Variants in TSHR observed in about 807,000 individuals in gnomAD.
The protein encoded by TSHR is thyrotropin receptor.
In TSHR, 51 loss-of-function variants were observed where a neutral mutation model predicts 64.1. The ratio of observed to expected loss-of-function variants is 0.80; its 90% CI spans 0.64 to 1.01. The LOEUF (loss-of-function observed/expected upper bound fraction) is 1.01, where lower values mean the gene tolerates loss of function less well. Among genes scored for constraint, TSHR ranks in the 50% least tolerant of loss-of-function variants. TSHR has a pLI of 0.00. For missense variants in TSHR, 877 were observed against 942.8 expected, an observed-to-expected ratio of 0.93 and a Z score of 0.91; for synonymous variants, 361 against 361.9, an observed-to-expected ratio of 1.00 and a Z score of 0.03.
At chr14:80,956,712 G>T (rs571161729) in intron 1 of TSHR, among the ~76,000 whole-genome samples, 22 of 152,264 alleles carry the variant, frequency 1.4e-4, no homozygotes, top group African/African-American at 5.3e-4. Context: ...TAAAGAAAAT[G>T]TTGATAGATG....
chr14:81,142,549 A>C (rs1413042119), intron 9 of TSHR, among the ~76,000 whole-genome samples: 1 of 152,012 alleles, frequency 6.6e-6, no homozygotes, highest in African/African-American at 2.4e-5. Context: ...CATCATAGTA[A>C]GTAGTTTGCA....
chr14:80,999,935 C>CTTT (rs557662208), intron 1 of TSHR, among the ~76,000 whole-genome samples: 21 of 136,362 alleles, frequency 1.5e-4, no homozygotes, highest in African/African-American at 5.1e-4. Context: ...TCTTTTTTTT[C>CTTT]TTTTTTTTTT....
chr14:81,032,599 A>G, intron 1 of TSHR: 2 of 446,900 alleles, frequency 4.5e-6, no homozygotes, highest in South Asian at 3.8e-5. Flanking sequence ...ACCAACATGC[A>G]CCTCAGGTTG....
chr14:81,129,761 A>G (rs1891162048), intron 8 of TSHR, among the ~76,000 whole-genome samples: 1 of 152,150 alleles, frequency 6.6e-6, no homozygotes, highest in South Asian at 2.1e-4. Context: ...CTATGCCCAC[A>G]TCCTTTCTCC....
chr14:80,968,107 C>G (rs1887410941), intron 1 of TSHR, among the ~76,000 whole-genome samples: 2 of 152,096 alleles, frequency 1.3e-5, no homozygotes, highest in South Asian at 4.1e-4. Flanking sequence ...ACAAAAAAGT[C>G]CCCAGGTGGG....
At chr14:80,961,075 G>T (rs1485409288) in intron 1 of TSHR, among the ~76,000 whole-genome samples, 1 of 152,220 alleles carries the variant, frequency 6.6e-6, no homozygotes, top group African/African-American at 2.4e-5. Flanking sequence ...CCCACTTTTG[G>T]CGTCTGAAAT....
intron 1 of TSHR, among the ~76,000 whole-genome samples, chr14:80,985,612 G>A (rs8003061): frequency 0.38 from 57,198 of 151,984 alleles, 11,232 homozygotes; most frequent in East Asian, 0.62. Flanking sequence ...GGTGGGAATT[G>A]TAATCCCTAG....
chr14:81,006,288 G>A (rs1316632501), intron 1 of TSHR, among the ~76,000 whole-genome samples: 1 of 152,070 alleles, frequency 6.6e-6, no homozygotes, highest in Non-Finnish European at 1.5e-5. Flanking sequence ...TCTCAGTTCT[G>A]GAGGCTATAA....
chr14:81,111,385 G>A (rs1022930578), intron 8 of TSHR, among the ~76,000 whole-genome samples: 34 of 152,148 alleles, frequency 2.2e-4, no homozygotes, highest in African/African-American at 5.6e-4. Flanking sequence ...GATGATTAGC[G>A]TCTCCAAATC....
At position 81,143,829 on chromosome 14, in the gene TSHR, A is replaced by G. The variant is rs770311378; in HGVS notation, c.1771A>G (p.Ile591Val). The change falls in exon 10 of 10, where the codon ATA (isoleucine) becomes GTA (valine). Residue 591 changes from isoleucine to valine, a missense_variant. Coordinates refer to ENST00000298171, the MANE Select transcript of TSHR (RefSeq NM_000369.5). The part of the protein sequence containing the change: ...AYIVFVLTLN[I>V]VAFVIVCCCY... ...TATTGTTTTTGTTCTGACGCTCAAC[A>G]TAGTTGCCTTCGTCATCGTCTGCTG... is the stretch of plus-strand genomic sequence containing the variant. The G allele has an allele frequency of 5.0e-6, 8 of 1,614,126 alleles. No homozygotes were observed. The East Asian group carries it at 8.9e-5, about 18-fold the overall frequency.
Position 81,103,290 on chromosome 14 carries a change from T to A in TSHR, c.615-5085T>A. 1 of 985,456 alleles carries A rather than the reference T, an allele frequency of 1.0e-6. No homozygotes were observed. The highest frequency in any genetic ancestry group is 1.2e-6 in the Non-Finnish European group (1 of 829,924). The allele number at this position is 985,456 out of a possible 1,614,324, so 61.0% of individuals were successfully genotyped here. ...CAAACACATCAATCTCCTGTAATTATCTTAATAGTGTTCAAGGATTTCACA... is the reference window on the plus strand; with the variant it reads ...CAAACACATCAATCTCCTGTAATTAACTTAATAGTGTTCAAGGATTTCACA... On this transcript the variant is annotated intron_variant, in intron 7 of 9. Coordinates refer to ENST00000298171, the MANE Select transcript of TSHR (RefSeq NM_000369.5). The surrounding 1 kb of genome is among the most constrained non-coding windows in gnomAD (Gnocchi z 4.1).
chr14:81,032,428 C>A (rs1369199556), intron 1 of TSHR: 1 of 270,920 alleles, frequency 3.7e-6, no homozygotes. Context: ...TTCCAATCGC[C>A]TACCTTGCAA....
intron 1 of TSHR, among the ~76,000 whole-genome samples, chr14:81,017,899 G>A (rs887106116): frequency 4.1e-5 from 6 of 148,142 alleles, no homozygotes; most frequent in Non-Finnish European, 7.4e-5. Flanking sequence ...ACATGATCTC[G>A]GCTCATTGCA....
intron 9 of TSHR, among the ~76,000 whole-genome samples, chr14:81,140,659 AT>A (rs1228173123): frequency 1.3e-5 from 2 of 152,042 alleles, no homozygotes; most frequent in Non-Finnish European, 2.9e-5. Context: ...TATTTCCCCC[AT>A]TGTGTCTTGT....
intron 1 of TSHR, among the ~76,000 whole-genome samples, chr14:80,966,372 G>A (rs2064095149): frequency 6.6e-6 from 1 of 152,034 alleles, no homozygotes; most frequent in African/African-American, 2.4e-5. Context: ...AGTTATTTCT[G>A]GGTTTGTGGA....
chr14:81,105,571 T>C (rs1172896791), intron 7 of TSHR, among the ~76,000 whole-genome samples: 1 of 152,192 alleles, frequency 6.6e-6, no homozygotes, highest in East Asian at 1.9e-4. Flanking sequence ...CCTCCTGGAC[T>C]CTGGCTGGCT....
chr14:81,097,473 C>T (rs1889282197), intron 7 of TSHR, among the ~76,000 whole-genome samples: 1 of 152,132 alleles, frequency 6.6e-6, no homozygotes, highest in South Asian at 2.1e-4. Flanking sequence ...TCTGAGAGGT[C>T]TTATCAAAAT....
chr14:80,982,784 C>T (rs1267125008), intron 1 of TSHR: 3 of 569,848 alleles, frequency 5.3e-6, no homozygotes, highest in African/African-American at 3.8e-5. Context: ...ACAGCCTGCC[C>T]TTGTAGGAAC....
At chr14:80,978,414 G>A (rs986415169) in intron 1 of TSHR, among the ~76,000 whole-genome samples, 19 of 152,192 alleles carry the variant, frequency 1.2e-4, no homozygotes, top group Non-Finnish European at 2.1e-4. Flanking sequence ...CTGAGACAGC[G>A]TTAGGAGTGC....
Sources: allele counts gnomAD v4.1 joint callset (sites outside exome capture counted in the v4.1 genomes callset), GRCh38; gene constraint gnomAD v4.1.1; non-coding constraint Gnocchi (gnomAD v3.1); transcripts MANE v1.5; gene names NCBI Gene and HGNC (gene_info 2026-07-23, HGNC 2026-07-21).